Variants in PRKCB observed in about 807,000 individuals in gnomAD.
PRKCB encodes protein kinase C beta.
In PRKCB, 13 loss-of-function variants were observed where a neutral mutation model predicts 81.5. The observed-to-expected ratio is 0.16, with a 90% confidence interval of 0.10 to 0.25. The LOEUF (loss-of-function observed/expected upper bound fraction) is 0.25, where lower values mean the gene tolerates loss of function less well. Among genes scored for constraint, PRKCB ranks in the 10% least tolerant of loss-of-function variants. The pLI is 1.00. For missense variants in PRKCB, 509 were observed against 875.7 expected, an observed-to-expected ratio of 0.58 and a Z score of 5.29; for synonymous variants, 335 against 321.4, an observed-to-expected ratio of 1.04 and a Z score of -0.45.
intron 16 of PRKCB, among the ~76,000 whole-genome samples, chr16:24,213,901 G>A (rs1968183935): frequency 6.6e-6 from 1 of 152,204 alleles, no homozygotes; most frequent in South Asian, 2.1e-4. Flanking sequence ...AATGGCAATG[G>A]TTTTCTCTCT....
At position 24,120,207 on chromosome 16, in the gene PRKCB, G is replaced by A. The variant is rs1008265517; in HGVS notation, c.919-3628G>A. 3.9e-5 allele frequency among the ~76,000 whole-genome samples: 6 copies of A among 152,090 alleles called. No individual in the cohort carries two copies. In the East Asian group the frequency reaches 5.8e-4, roughly 15 times the overall value. ...GCCTTAGTGGCGGGGGTTGCGGGGG[G>A]CGTCGACTGGGAACTTTTGGAGGGT... is the stretch of plus-strand genomic sequence containing the variant. On this transcript the variant is annotated intron_variant, in intron 8 of 16. Coordinates refer to ENST00000643927, the MANE Select transcript of PRKCB (RefSeq NM_002738.7).
intron 5 of PRKCB, among the ~76,000 whole-genome samples, chr16:24,049,213 T>TC: frequency 6.6e-6 from 1 of 152,068 alleles, no homozygotes; most frequent in South Asian, 2.1e-4. Flanking sequence ...GTTATGTGAA[T>TC]CTGGCAACCC....
chr16:24,144,124 T>C (rs1966951844), intron 9 of PRKCB, among the ~76,000 whole-genome samples: 1 of 147,624 alleles, frequency 6.8e-6, no homozygotes, highest in African/African-American at 2.5e-5. Flanking sequence ...AAAGAGAAAG[T>C]AGGAGAGAGA....
chr16:24,010,946 C>T (rs184508051), intron 3 of PRKCB, among the ~76,000 whole-genome samples: 3 of 152,252 alleles, frequency 2.0e-5, no homozygotes, highest in South Asian at 4.1e-4. Flanking sequence ...CTCACTGCAG[C>T]CTCTGCTTCC....
intron 2 of PRKCB, among the ~76,000 whole-genome samples, chr16:23,924,759 C>T (rs576011663): frequency 5.9e-5 from 9 of 152,022 alleles, no homozygotes; most frequent in South Asian, 2.1e-4. Flanking sequence ...GTTCTCACTA[C>T]GAAAAAATGC....
intron 9 of PRKCB, among the ~76,000 whole-genome samples, chr16:24,137,090 T>G (rs947295221): frequency 6.6e-6 from 1 of 151,084 alleles, no homozygotes; most frequent in African/African-American, 2.4e-5. Flanking sequence ...GGTTTCACCA[T>G]GTTGGCCAGG....
At chr16:24,020,082 A>G (rs963740063) in intron 3 of PRKCB, among the ~76,000 whole-genome samples, 3 of 152,204 alleles carry the variant, frequency 2.0e-5, no homozygotes, top group African/African-American at 7.2e-5. Context: ...AATTGCCCCC[A>G]CAGGATGACA....
intron 2 of PRKCB, among the ~76,000 whole-genome samples, chr16:23,884,322 A>G (rs900132653): frequency 5.3e-5 from 8 of 152,248 alleles, no homozygotes; most frequent in Non-Finnish European, 1.2e-4. Context: ...TCCCCACATC[A>G]TATACATGGG....
At chr16:24,042,473 AGAATTTTACAG>A (rs1965712491) in intron 5 of PRKCB, among the ~76,000 whole-genome samples, 2 of 152,352 alleles carry the variant, frequency 1.3e-5, no homozygotes, top group African/African-American at 4.8e-5. Context: ...CTAAGTTGAA[AGAATTTTACAG>A]CAAACACTCA....
At chr16:24,058,441 G>A (rs111423259) in intron 5 of PRKCB, among the ~76,000 whole-genome samples, 3,089 of 152,118 alleles carry the variant, frequency 0.02, 53 homozygotes, top group Middle Eastern at 0.1. Context: ...ACCAAAAACG[G>A]TGGGCTGCTA....
In PRKCB at chr16:24,218,582, CAG is replaced by C. The variant is rs1319940308; in HGVS notation, c.*3767_*3768del. 1 of 985,308 alleles carries C rather than the reference CAG, an allele frequency of 1.0e-6. No individual in the cohort carries two copies. The highest frequency in any genetic ancestry group is 1.2e-6 in the Non-Finnish European group (1 of 829,968). The allele number at this position is 985,308 out of a possible 1,614,324, so 61.0% of individuals were successfully genotyped here. A position where few individuals can be genotyped will look rare whatever the true frequency, so the allele number is the denominator to read the frequency against. On this transcript the variant is annotated 3_prime_UTR_variant, in exon 17 of 17. Coordinates refer to ENST00000643927, the MANE Select transcript of PRKCB (RefSeq NM_002738.7). ...CTCCATAGAGACATTTTACCTATCT[CAG>C]GGGAGCAGCCACAAAGAAGCAAGTC...
At chr16:23,918,099 T>C (rs1365473748) in intron 2 of PRKCB, among the ~76,000 whole-genome samples, 1 of 152,162 alleles carries the variant, frequency 6.6e-6, no homozygotes, top group Non-Finnish European at 1.5e-5. Flanking sequence ...GGCTGGGGAT[T>C]GTTTTGTGAA....
At chr16:23,958,195 TTGGC>T (rs545157190) in intron 2 of PRKCB, among the ~76,000 whole-genome samples, 87 of 152,296 alleles carry the variant, frequency 5.7e-4, no homozygotes, top group African/African-American at 2.0e-3. Flanking sequence ...TTTCGCCATG[TTGGC>T]CAGGGTGGTC....
In PRKCB at chr16:23,840,935, A is replaced by T. The variant is rs1414281521; in HGVS notation, c.205+3529A>T. 2.0e-5 allele frequency among the ~76,000 whole-genome samples: 3 copies of T among 152,046 alleles called. No individual in the cohort carries two copies. In the East Asian group the frequency reaches 5.8e-4, roughly 29 times the overall value. ...ATTTCTTATAAAACCACTCTCTGGG[A>T]GGTAATTTAAGAATGTGTTTGATGA... On this transcript the variant is annotated intron_variant, in intron 2 of 16. Transcript: ENST00000643927.
At chr16:24,208,700 A>G (rs1405309651) in intron 16 of PRKCB, among the ~76,000 whole-genome samples, 1 of 151,906 alleles carries the variant, frequency 6.6e-6, no homozygotes, top group Non-Finnish European at 1.5e-5. Flanking sequence ...TTTTAATTAG[A>G]TCCCAGCCAC....
intron 2 of PRKCB, among the ~76,000 whole-genome samples, chr16:23,930,635 A>G (rs913211726): frequency 4.6e-5 from 7 of 152,086 alleles, no homozygotes; most frequent in Admixed American, 2.0e-4. Context: ...CTAGGAAAGA[A>G]ATTAAATTCA....
intron 2 of PRKCB, among the ~76,000 whole-genome samples, chr16:23,853,082 A>C: frequency 6.6e-6 from 1 of 152,224 alleles, no homozygotes; most frequent in East Asian, 1.9e-4. Flanking sequence ...TCAACAAGGA[A>C]GCCAGGGCAT....
At chr16:24,163,912 C>T (rs1255754313) in intron 10 of PRKCB, among the ~76,000 whole-genome samples, 7 of 152,288 alleles carry the variant, frequency 4.6e-5, no homozygotes, top group Non-Finnish European at 1.0e-4. Context: ...CTAGCTGATA[C>T]CAGAACCAGG....
intron 5 of PRKCB, among the ~76,000 whole-genome samples, chr16:24,048,393 T>C (rs891250384): frequency 2.0e-5 from 3 of 152,314 alleles, no homozygotes; most frequent in Admixed American, 1.3e-4. Flanking sequence ...ATAATTAGGC[T>C]CTTGGACACC....
Sources: allele counts gnomAD v4.1 joint callset (sites outside exome capture counted in the v4.1 genomes callset), GRCh38; gene constraint gnomAD v4.1.1; transcripts MANE v1.5; gene names NCBI Gene and HGNC (gene_info 2026-07-23, HGNC 2026-07-21).